The following DISC1 variants were observed in gnomAD, a reference collection of about 807,000 sequenced individuals.
DISC1 encodes disrupted in schizophrenia 1 protein.
In DISC1, 57 loss-of-function variants were observed where a neutral mutation model predicts 84.5. That is an observed-to-expected ratio of 0.67 (90% CI 0.55 to 0.84). DISC1 has a LOEUF of 0.84. DISC1 is among the 40% of genes least tolerant of loss of function. The pLI is 0.00. For synonymous variants in DISC1, 411 were observed against 415.2 expected (o/e 0.99, Z 0.12); for missense variants, 1,000 against 1,057.8 (o/e 0.95, Z 0.76).
intron 9 of DISC1, among the ~76,000 whole-genome samples, chr1:231,904,538 A>G (rs2088473513): frequency 6.6e-6 from 1 of 152,310 alleles, no homozygotes. Flanking sequence ...AAACTGGAGT[A>G]TTGCTGTGAA....
chr1:231,980,793 T>G (rs1311120948), intron 10 of DISC1, among the ~76,000 whole-genome samples: 3 of 152,196 alleles, frequency 2.0e-5, no homozygotes, highest in African/African-American at 7.2e-5. Context: ...AGATATCTTG[T>G]TCTTACTTTC....
intron 1 of DISC1, chr1:231,670,778 TA>T (rs1277247878): frequency 6.6e-6 from 1 of 152,206 alleles, no homozygotes; most frequent in East Asian, 1.9e-4. Flanking sequence ...AGTCCTTTCA[TA>T]AAAGAGCCCT....
intron 10 of DISC1, among the ~76,000 whole-genome samples, chr1:232,004,032 A>C (rs1212238130): frequency 6.6e-6 from 1 of 151,530 alleles, no homozygotes; most frequent in Non-Finnish European, 1.5e-5. Flanking sequence ...AATAATTAAA[A>C]ATTTAAATAA....
At chr1:232,022,166 C>CAGAAA (rs1484194540) in intron 11 of DISC1, among the ~76,000 whole-genome samples, 6 of 152,052 alleles carry the variant, frequency 3.9e-5, no homozygotes, top group Non-Finnish European at 8.8e-5. Flanking sequence ...GGCAATATTC[C>CAGAAA]AGAAAAGTGT....
rs541389317 is a variant in DISC1 at position 231,836,775 on chromosome 1, C to T, written c.1981+18258C>T. ...CAGCTCCTCTGACCACCTTAACTTC[C>T]CAGGATGTCCGCGTGCTCTGGATAA... is the stretch of plus-strand genomic sequence containing the variant. On this transcript the variant is annotated intron_variant, in intron 9 of 12. Transcript: ENST00000439617. Among the ~76,000 whole-genome samples the T allele has an allele frequency of 2.6e-5, 4 of 152,324 alleles. No individual in the cohort carries two copies. The South Asian group carries it at 8.3e-4, about 32-fold the overall frequency.
At chr1:231,758,580 A>AATGC (rs1402004392) in intron 4 of DISC1, among the ~76,000 whole-genome samples, 1 of 152,120 alleles carries the variant, frequency 6.6e-6, no homozygotes, top group Admixed American at 6.6e-5. Context: ...AGAGATTCAG[A>AATGC]ATGCAGAGCG....
At chr1:231,647,815 G>A (rs2060262700) in intron 1 of DISC1, among the ~76,000 whole-genome samples, 1 of 152,098 alleles carries the variant, frequency 6.6e-6, no homozygotes, top group African/African-American at 2.4e-5. Context: ...TATTCTCTTT[G>A]TAGCAATTGT....
At chr1:231,680,438 G>T (rs2063578260) in intron 1 of DISC1, among the ~76,000 whole-genome samples, 1 of 152,128 alleles carries the variant, frequency 6.6e-6, no homozygotes, top group Non-Finnish European at 1.5e-5. Context: ...GCAGGTTGTT[G>T]TAACATCAGC....
At chr1:231,689,696 G>A (rs377575972) in intron 1 of DISC1, among the ~76,000 whole-genome samples, 11 of 152,108 alleles carry the variant, frequency 7.2e-5, no homozygotes, top group Non-Finnish European at 1.5e-4. Flanking sequence ...AATGAATATT[G>A]TCTGGCCAAT....
intron 9 of DISC1, among the ~76,000 whole-genome samples, chr1:231,894,555 A>G (rs1382664215): frequency 6.6e-6 from 1 of 151,864 alleles, no homozygotes; most frequent in East Asian, 1.9e-4. Context: ...TCCCAGGATC[A>G]TGTGAATGTT....
chr1:231,666,864 G>A (rs1397908067), intron 1 of DISC1, among the ~76,000 whole-genome samples: 2 of 152,234 alleles, frequency 1.3e-5, no homozygotes, highest in Non-Finnish European at 2.9e-5. Context: ...AGCTGCTGAG[G>A]TGATTAGTAG....
intron 1 of DISC1, among the ~76,000 whole-genome samples, chr1:231,653,289 A>G (rs1415097797): frequency 6.6e-6 from 1 of 152,102 alleles, no homozygotes; most frequent in Non-Finnish European, 1.5e-5. Flanking sequence ...GGTTCTCTCC[A>G]TTTGCTGATG....
At chr1:231,719,690 C>A (rs2069343333) in intron 3 of DISC1, among the ~76,000 whole-genome samples, 1 of 152,158 alleles carries the variant, frequency 6.6e-6, no homozygotes, top group Non-Finnish European at 1.5e-5. Context: ...TATTTTAGAT[C>A]TGCTAGAGAT....
intron 11 of DISC1, among the ~76,000 whole-genome samples, chr1:232,021,280 G>C (rs1306970763): frequency 6.6e-6 from 1 of 151,900 alleles, no homozygotes; most frequent in Non-Finnish European, 1.5e-5. Context: ...TGGACTCACT[G>C]TGGTATGTCT....
chr1:231,886,455 T>C (rs576593009), intron 9 of DISC1, among the ~76,000 whole-genome samples: 1 of 152,314 alleles, frequency 6.6e-6, no homozygotes, highest in Non-Finnish European at 1.5e-5. Context: ...AAGACATACA[T>C]TGTGGGTAAC....
chr1:231,770,833 A>G lies in DISC1; in HGVS notation c.1399-2A>G. On this transcript the variant is annotated splice_acceptor_variant, in intron 5 of 12. Transcript: ENST00000439617. LOFTEE classifies it high-confidence loss of function. ...AAAATCTTGTCTCCTCATTCTCTAC[A>G]GAAAGAAATCGAAGCTCTCCAAGCA... 6.2e-7 allele frequency: 1 copy of G among 1,613,910 alleles called. No homozygotes were observed. The highest frequency in any genetic ancestry group is 8.5e-7 in the Non-Finnish European group (1 of 1,179,910).
chr1:231,757,246 A>C (rs1398178715), intron 4 of DISC1, among the ~76,000 whole-genome samples: 3 of 152,196 alleles, frequency 2.0e-5, no homozygotes, highest in African/African-American at 7.2e-5. Context: ...CCACGTGTAC[A>C]CATGTACATA....
chr1:231,892,765 C>A (rs1218484740), intron 9 of DISC1, among the ~76,000 whole-genome samples: 1 of 151,784 alleles, frequency 6.6e-6, no homozygotes, highest in East Asian at 1.9e-4. Flanking sequence ...TTGATTTGAG[C>A]CTTAATGGAT....
chr1:231,786,747 G>T lies in DISC1; in HGVS notation c.1635-8495G>T, dbSNP rs114255682. Among the ~76,000 whole-genome samples the T allele has an allele frequency of 5.6e-3, 848 of 152,020 alleles. 9 individuals carry two copies. Among genetic ancestry groups the T allele is most frequent in the African/African-American group, 0.019 (804 of 41,460 alleles). ...ATGGTAGGTTTTATATGGGGACCTA[G>T]CCTGTATGCCCAGGTAATATCTACA... On this transcript the variant is annotated intron_variant, in intron 6 of 12. Coordinates refer to ENST00000439617, the MANE Select transcript of DISC1 (RefSeq NM_018662.3).
Sources: gnomAD v4.1 joint callset for allele counts (sites outside exome capture counted in the v4.1 genomes callset) on GRCh38, gnomAD v4.1.1 for gene constraint, MANE v1.5 for transcripts, NCBI Gene and HGNC (gene_info 2026-07-23, HGNC 2026-07-21) for gene names.